INSR: variants seen among roughly 807,000 people sequenced by gnomAD.
The protein encoded by INSR is insulin receptor.
A neutral mutation model predicts 142.6 loss-of-function variants in INSR; 67 were observed. That is an observed-to-expected ratio of 0.47 (90% CI 0.39 to 0.58). The LOEUF (loss-of-function observed/expected upper bound fraction) is 0.58, where lower values mean the gene tolerates loss of function less well. Among genes scored for constraint, INSR ranks in the 20% least tolerant of loss-of-function variants. The probability of loss-of-function intolerance (pLI) is 0.00; values close to 1 mark genes in which losing one functional copy is unlikely to be tolerated. For missense variants in INSR, 1,248 were observed against 1,833.2 expected, an observed-to-expected ratio of 0.68 and a Z score of 5.83; for synonymous variants, 756 against 743.1, an observed-to-expected ratio of 1.02 and a Z score of -0.28.
rs1599861882 is a variant in INSR, at chr19:7,116,049, C to G, written c.*1007G>C. 6.6e-6 allele frequency: 1 copy of G among 150,520 alleles called. No homozygotes were observed. Among genetic ancestry groups the G allele is most frequent in the Non-Finnish European group, 1.5e-5 (1 of 67,622 alleles). The allele number at this position is 150,520 out of a possible 1,614,324, so 9.3% of individuals were successfully genotyped here. A position where few individuals can be genotyped will look rare whatever the true frequency, so the allele number is the denominator to read the frequency against. On this transcript the variant is annotated 3_prime_UTR_variant, in exon 22 of 22. Transcript: ENST00000302850. Reference sequence around the variant, plus strand: ...GAGACTTTAAAAATTAAATATGGTACAAATATATTCTCAAAACTCTGTCAT... The same window carrying G: ...GAGACTTTAAAAATTAAATATGGTAGAAATATATTCTCAAAACTCTGTCAT...
At position 7,168,922 on chromosome 19, in the gene INSR, A is replaced by G. The variant is rs3786681; in HGVS notation, c.1484-828T>C. ...CCCAGCCCTTGCACTACATTTTGAC[A>G]TAAGTAACTAACTCCCCATGAAGGT... On this transcript the variant is annotated intron_variant, in intron 6 of 21. Transcript: ENST00000302850. The surrounding 1 kb of genome is among the most constrained non-coding windows in gnomAD (Gnocchi z 4.3). 0.24 allele frequency among the ~76,000 whole-genome samples: 36,892 copies of G among 152,030 alleles called. 4,554 individuals are homozygous for G. Among genetic ancestry groups the G allele is most frequent in the Middle Eastern group, 0.3 (88 of 292 alleles).
chr19:7,272,096 A>T (rs1967941818), intron 1 of INSR, among the ~76,000 whole-genome samples: 1 of 152,194 alleles, frequency 6.6e-6, no homozygotes, highest in African/African-American at 2.4e-5. Flanking sequence ...CGAGGTCAGG[A>T]GATTGAGACC....
intron 2 of INSR, among the ~76,000 whole-genome samples, chr19:7,195,719 T>C (rs893415223): frequency 1.3e-5 from 2 of 151,944 alleles, no homozygotes; most frequent in African/African-American, 4.8e-5. Flanking sequence ...TGAGGAATTG[T>C]GCGGACTTAA....
intron 2 of INSR, among the ~76,000 whole-genome samples, chr19:7,185,088 C>A (rs1484956225): frequency 6.6e-6 from 1 of 152,074 alleles, no homozygotes; most frequent in Non-Finnish European, 1.5e-5. Context: ...TAGTAAATAA[C>A]CTCAACAGCA....
intron 13 of INSR, 30 bp from the exon 14 acceptor site, chr19:7,132,347 T>C: frequency 1.2e-6 from 2 of 1,609,502 alleles, no homozygotes; most frequent in Non-Finnish European, 1.7e-6. Context: ...AGAAGGAGGG[T>C]GGCTGAGCTT....
intron 2 of INSR, among the ~76,000 whole-genome samples, chr19:7,244,778 A>G (rs1308066446): frequency 1.3e-5 from 2 of 152,198 alleles, no homozygotes; most frequent in African/African-American, 2.4e-5. Flanking sequence ...ATTGAAAATC[A>G]GTCAGATTTG....
intron 2 of INSR, among the ~76,000 whole-genome samples, chr19:7,213,989 C>CAAAA (rs532464276): frequency 1.4e-5 from 2 of 141,006 alleles, no homozygotes; most frequent in African/African-American, 5.3e-5. Flanking sequence ...GACTTTGTCT[C>CAAAA]AAAAAAAAAA....
chr19:7,132,118 A>ATTAG, intron 14 of INSR, 40 bp downstream of exon 14: 1 of 1,613,502 alleles, frequency 6.2e-7, no homozygotes, highest in Non-Finnish European at 8.5e-7. Context: ...CTCAGTGCTA[A>ATTAG]GCACAGCCCC....
At position 7,159,057 on chromosome 19, in the gene INSR, C is replaced by G. The variant is rs1026899818; in HGVS notation, c.2029+3975G>C. On this transcript the variant is annotated intron_variant, in intron 9 of 21. Transcript: ENST00000302850. This position sits in a 1 kb window ranked among gnomAD's most constrained non-coding sequence, Gnocchi z 4.3. ...AGCTGGGATTACAGGCACCCACCAC[C>G]ACACCCAACTAATTTTTGTATTTTT... Among the ~76,000 whole-genome samples, 4 of 151,994 alleles carry G rather than the reference C, an allele frequency of 2.6e-5. No individual in the cohort carries two copies. Among genetic ancestry groups the G allele is most frequent in the African/African-American group, 9.7e-5 (4 of 41,368 alleles).
At chr19:7,266,863 T>TAATTCCA (rs1967748018) in intron 2 of INSR, among the ~76,000 whole-genome samples, 1 of 152,146 alleles carries the variant, frequency 6.6e-6, no homozygotes, top group African/African-American at 2.4e-5. Context: ...TTTCCAAATG[T>TAATTCCA]CTATTATAAG....
chr19:7,250,519 G>A (rs952697856), intron 2 of INSR, among the ~76,000 whole-genome samples: 2 of 145,690 alleles, frequency 1.4e-5, no homozygotes, highest in Non-Finnish European at 3.0e-5. Flanking sequence ...GATAAAGGGA[G>A]GAAGGGAGAG....
intron 2 of INSR, among the ~76,000 whole-genome samples, chr19:7,256,744 A>G (rs575055654): frequency 1.3e-5 from 2 of 151,274 alleles, no homozygotes; most frequent in East Asian, 1.9e-4. Flanking sequence ...AAAAAACAAG[A>G]AAAAAAAATG....
At chr19:7,203,437 C>T (rs541295221) in intron 2 of INSR, among the ~76,000 whole-genome samples, 14 of 152,204 alleles carry the variant, frequency 9.2e-5, no homozygotes, top group South Asian at 8.3e-4. Context: ...GAGAGAGAAC[C>T]GCAGCCTCCA....
intron 2 of INSR, among the ~76,000 whole-genome samples, chr19:7,260,642 TA>T (rs1977029205): frequency 2.0e-5 from 3 of 152,224 alleles, no homozygotes; most frequent in Admixed American, 2.0e-4. Context: ...TCTGCCCAGA[TA>T]GGGTGGGCCC....
chr19:7,235,889 A>ATG (rs915665448), intron 2 of INSR, among the ~76,000 whole-genome samples: 3 of 151,848 alleles, frequency 2.0e-5, no homozygotes, highest in African/African-American at 7.3e-5. Context: ...GCTGCTAAGG[A>ATG]TGTGGAGCAA....
intron 2 of INSR, among the ~76,000 whole-genome samples, chr19:7,237,251 G>A (rs1181257914): frequency 1.3e-5 from 2 of 152,102 alleles, no homozygotes; most frequent in Non-Finnish European, 2.9e-5. Context: ...AGACGCGGTG[G>A]CTCACGCCTG....
rs756113991 is a variant in INSR at position 7,125,480 on chromosome 19, C to G, written c.3061G>C (p.Glu1021Gln). The G allele has an allele frequency of 1.2e-6, 2 of 1,614,130 alleles. No individual in the cohort carries two copies. Among genetic ancestry groups the G allele is most frequent in the Admixed American group, 1.7e-5 (1 of 60,028 alleles). Residue 1021 changes from glutamate (E) to glutamine (Q), a missense_variant, in exon 17 of 22, where the codon GAG (glutamate) becomes CAG (glutamine). This residue lies in a region of INSR where 1,069 missense variants were observed against 1,654.0 expected (regional missense o/e 0.65). Coordinates refer to ENST00000302850, the MANE Select transcript of INSR (RefSeq NM_000208.4). The surrounding 1 kb of genome is among the most constrained non-coding windows in gnomAD (Gnocchi z 4.9). ...AGCTCTCGAAGGAGGGTGATCTTCTCTCGAGACACCTCCCACTCGTCCGGC... is the reference window on the plus strand; with the variant it reads ...AGCTCTCGAAGGAGGGTGATCTTCTGTCGAGACACCTCCCACTCGTCCGGC... ...YVPDEWEVSREKITLLRELGQ... is the reference protein window; with the variant it reads ...YVPDEWEVSRQKITLLRELGQ...
intron 2 of INSR, among the ~76,000 whole-genome samples, chr19:7,227,548 C>T (rs1975825179): frequency 6.6e-6 from 1 of 152,156 alleles, no homozygotes; most frequent in Admixed American, 6.6e-5. Context: ...GCTGCAAATA[C>T]AGGCATGAGC....
Position 7,152,925 on chromosome 19 carries a change from G to T in INSR, c.2032C>A (p.Leu678Met), listed in dbSNP as rs1030286694. 3 of 1,609,684 alleles carry T rather than the reference G, an allele frequency of 1.9e-6. No individual in the cohort carries two copies. Among genetic ancestry groups the T allele is most frequent in the Non-Finnish European group, 2.5e-6 (3 of 1,178,884 alleles). Residue 678 changes from leucine (L) to methionine (M), a missense_variant and splice_region_variant, in exon 10 of 22, where the codon CTG becomes ATG. Leu to Met is a conservative substitution (Grantham distance 15). Transcript: ENST00000302850. Reference protein sequence around the residue: ...LFELDYCLKGLKLPSRTWSPP... With the variant: ...LFELDYCLKGMKLPSRTWSPP... ...GACCAGGTCCTCGAGGGCAGCTTCA[G>T]CCCTGGAGAAAGAAACAGAAAAGGG...
Sources: allele counts gnomAD v4.1 joint callset (sites outside exome capture counted in the v4.1 genomes callset), GRCh38; gene constraint gnomAD v4.1.1; regional missense constraint gnomAD v4.1.1; non-coding constraint Gnocchi (gnomAD v3.1); transcripts MANE v1.5; gene names NCBI Gene and HGNC (gene_info 2026-07-23, HGNC 2026-07-21).